The following PIK3CD variants were observed in gnomAD, a reference collection of about 807,000 sequenced individuals.
PIK3CD encodes phosphatidylinositol-4,5-bisphosphate 3-kinase catalytic subunit delta.
PIK3CD carries 20 observed loss-of-function variants against 122.9 expected under a neutral mutation model. The ratio of observed to expected loss-of-function variants is 0.16; its 90% CI spans 0.11 to 0.24. PIK3CD has a LOEUF of 0.24. Ranked by LOEUF, PIK3CD falls within the 10% of genes least tolerant of loss-of-function variation. PIK3CD has a pLI of 1.00. For missense variants in PIK3CD, 787 were observed against 1,406.3 expected (o/e 0.56, Z 7.04); for synonymous variants, 596 against 593.4 (o/e 1.00, Z -0.06).
chr1:9,685,405 C>G (rs1645928547), intron 1 of PIK3CD, among the ~76,000 whole-genome samples: 1 of 152,068 alleles, frequency 6.6e-6, no homozygotes, highest in African/African-American at 2.4e-5. Flanking sequence ...GTTGCCCAGG[C>G]TGGAGTGCAG....
In PIK3CD at chr1:9,723,242, C is replaced by T. The variant is rs144576067; in HGVS notation, c.2544C>T (p.Ala848=). Residue 848 remains alanine, a synonymous_variant, in exon 20 of 24, where the codon GCC becomes GCT. Coordinates refer to ENST00000377346, the MANE Select transcript of PIK3CD (RefSeq NM_005026.5). The surrounding 1 kb of genome is among the most constrained non-coding windows in gnomAD (Gnocchi z 4.9). Reference sequence around the variant, plus strand: ...ACAAGAGCAACATGGCAGCCACAGCCGCCTTCAACAAGGATGCCCTGCTCA... The same window carrying T: ...ACAAGAGCAACATGGCAGCCACAGCTGCCTTCAACAAGGATGCCCTGCTCA... The part of the protein sequence containing the change: ...QLNKSNMAAT[A]AFNKDALLNW... 209 of 1,613,954 alleles carry T rather than the reference C, an allele frequency of 1.3e-4. 3 individuals carry two copies. The highest frequency in any genetic ancestry group is 6.4e-4 in the South Asian group (58 of 91,094).
chr1:9,724,039 C>T lies in PIK3CD; in HGVS notation c.2665C>T (p.Leu889=), dbSNP rs1649107242. Residue 889 remains leucine (L), a synonymous_variant, in exon 21 of 24, where the codon CTG becomes TTG. Coordinates refer to ENST00000377346, the MANE Select transcript of PIK3CD (RefSeq NM_005026.5). The surrounding 1 kb of genome is among the most constrained non-coding windows in gnomAD (Gnocchi z 7.3). ...TGGCTATTGTGTGGCCACATATGTG[C>T]TGGGCATTGGCGATCGGCACAGCGA... ...CAGYCVATYV[L]GIGDRHSDNI... The T allele has an allele frequency of 6.2e-7, 1 of 1,614,074 alleles. No homozygotes were observed. The highest frequency in any genetic ancestry group is 1.3e-5 in the African/African-American group (1 of 74,930).
At chr1:9,684,870 A>T (rs1278123699) in intron 1 of PIK3CD, among the ~76,000 whole-genome samples, 2 of 151,470 alleles carry the variant, frequency 1.3e-5, no homozygotes, top group Non-Finnish European at 2.9e-5. Flanking sequence ...AAGAAAGAAA[A>T]AAGAAAAAAG....
At chr1:9,683,191 C>G (rs1366064680) in intron 1 of PIK3CD, among the ~76,000 whole-genome samples, 4 of 150,904 alleles carry the variant, frequency 2.7e-5, no homozygotes, top group African/African-American at 9.8e-5. Context: ...GTAATCCCAG[C>G]ACTTTGGGAG....
Position 9,728,781 on chromosome 1 carries a change from GAGA to G in PIK3CD, c.*1740_*1742del, listed in dbSNP as rs142343550. 5 of 152,242 alleles carry G rather than the reference GAGA, an allele frequency of 3.3e-5. No individual in the cohort carries two copies. The highest frequency in any genetic ancestry group is 1.3e-4 in the Admixed American group (2 of 15,286). 9.4% of individuals were successfully genotyped at this position (152,242 alleles called of 1,614,324 possible). On this transcript the variant is annotated 3_prime_UTR_variant, in exon 24 of 24. Coordinates refer to ENST00000377346, the MANE Select transcript of PIK3CD (RefSeq NM_005026.5). The stretch of plus-strand genomic sequence containing the variant: ...GGGTGTACAGTCTTGTGTGCCTGGC[GAGA>G]AGAATATTTTCTATTTTTTTAAGTC...
At position 9,704,011 on chromosome 1, in the gene PIK3CD, A is replaced by G. The variant is rs542509516; in HGVS notation, c.-32-6413A>G. Among the ~76,000 whole-genome samples the G allele has an allele frequency of 4.6e-4, 70 of 152,270 alleles. No individual in the cohort carries two copies. The highest frequency in any genetic ancestry group is 9.8e-4 in the Admixed American group (15 of 15,282). ...TTCTGAAGTCCCTGTACTCACTGGC[A>G]TCTCTGTCCTGTACATATCAGAGAG... On this transcript the variant is annotated intron_variant, in intron 2 of 23. Coordinates refer to ENST00000377346, the MANE Select transcript of PIK3CD (RefSeq NM_005026.5). The surrounding 1 kb of genome is among the most constrained non-coding windows in gnomAD (Gnocchi z 5.0).
chr1:9,646,107 AC>A, the PIK3CD span, among the ~76,000 whole-genome samples: 2 of 151,906 alleles, frequency 1.3e-5, no homozygotes, highest in African/African-American at 4.8e-5. Context: ...GCCTAACGAG[AC>A]CCATGGCATG....
Position 9,721,754 on chromosome 1 carries a change from C to T in PIK3CD, c.1956-7C>T. On this transcript the variant is annotated splice_region_variant and splice_polypyrimidine_tract_variant and intron_variant, in intron 15 of 23. Transcript: ENST00000377346. ...TGGTGAGGCTCAGCCCTCCCTTCAC[C>T]TTCCAGCTCCGAGATGCACGTGCCG... 3 of 1,612,968 alleles carry T rather than the reference C, an allele frequency of 1.9e-6. 1 individual carries two copies. In the East Asian group the frequency reaches 6.7e-5, roughly 36 times the overall value.
At chr1:9,672,739 T>G (rs1645370385) in intron 1 of PIK3CD, 1 of 152,188 alleles carries the variant, frequency 6.6e-6, no homozygotes. Context: ...AAACGAATAG[T>G]TTAATAGCAC....
chr1:9,648,891 C>T (rs1379853100), upstream of PIK3CD, among the ~76,000 whole-genome samples: 5 of 152,132 alleles, frequency 3.3e-5, no homozygotes. Context: ...CACCCGAGGC[C>T]TGAGTGTGAG....
At chr1:9,639,432 AC>A in the PIK3CD span, among the ~76,000 whole-genome samples, 1 of 151,898 alleles carries the variant, frequency 6.6e-6, no homozygotes, top group Admixed American at 6.6e-5. Flanking sequence ...CAAAGCTTTT[AC>A]TCGTCTCTAA....
chr1:9,679,410 C>T (rs551658024), intron 1 of PIK3CD, among the ~76,000 whole-genome samples: 4 of 152,070 alleles, frequency 2.6e-5, no homozygotes, highest in Non-Finnish European at 5.9e-5. Context: ...GGGATGTTGA[C>T]TTCTCATGCT....
intron 1 of PIK3CD, among the ~76,000 whole-genome samples, chr1:9,680,202 T>C (rs924684638): frequency 6.6e-6 from 1 of 150,764 alleles, no homozygotes; most frequent in Non-Finnish European, 1.5e-5. Flanking sequence ...TTTCAAACTC[T>C]TGGTGTCAAG....
intron 1 of PIK3CD, among the ~76,000 whole-genome samples, chr1:9,661,596 C>T (rs1645010035): frequency 1.3e-5 from 2 of 152,034 alleles, no homozygotes; most frequent in African/African-American, 4.8e-5. Context: ...TGTGGTGGCT[C>T]ACACCTGTAA....
intron 2 of PIK3CD, among the ~76,000 whole-genome samples, chr1:9,706,630 C>T (rs747987707): frequency 6.6e-6 from 1 of 152,240 alleles, no homozygotes; most frequent in South Asian, 2.1e-4. Flanking sequence ...GTAAAACACA[C>T]ACCAGATTTC....
At chr1:9,676,290 G>A (rs1645534500) in intron 1 of PIK3CD, among the ~76,000 whole-genome samples, 1 of 151,926 alleles carries the variant, frequency 6.6e-6, no homozygotes, top group African/African-American at 2.4e-5. Context: ...GCCCAGGCTG[G>A]TCTCAAACTC....
the PIK3CD span, among the ~76,000 whole-genome samples, chr1:9,639,843 C>T: frequency 6.6e-6 from 1 of 152,152 alleles, no homozygotes; most frequent in Non-Finnish European, 1.5e-5. Context: ...GATTCTTGTG[C>T]CTCAGCCTCC....
intron 1 of PIK3CD, among the ~76,000 whole-genome samples, chr1:9,669,154 T>G (rs1645247809): frequency 6.6e-6 from 1 of 152,174 alleles, no homozygotes. Flanking sequence ...CTTGAAACCT[T>G]TTAATTATTT....
At chr1:9,642,845 C>T in the PIK3CD span, among the ~76,000 whole-genome samples, 9 of 151,926 alleles carry the variant, frequency 5.9e-5, no homozygotes, top group South Asian at 2.1e-4. Flanking sequence ...CATCCCAGCA[C>T]ATTGGGAGGC....
Sources: allele counts gnomAD v4.1 joint callset (sites outside exome capture counted in the v4.1 genomes callset), GRCh38; gene constraint gnomAD v4.1.1; non-coding constraint Gnocchi (gnomAD v3.1); transcripts MANE v1.5; gene names NCBI Gene and HGNC (gene_info 2026-07-23, HGNC 2026-07-21).